FAM171A1: variants seen among roughly 807,000 people sequenced by gnomAD.
FAM171A1 encodes the protein family with sequence similarity 171 member A1.
A neutral mutation model predicts 74.9 loss-of-function variants in FAM171A1; 23 were observed. That is an observed-to-expected ratio of 0.31 (90% CI 0.22 to 0.44). The LOEUF is 0.44. Ranked by LOEUF, FAM171A1 falls within the 20% of genes least tolerant of loss-of-function variation. The pLI is 1.00. For synonymous variants in FAM171A1, 527 were observed against 505.7 expected (o/e 1.04, Z -0.57); for missense variants, 1,162 against 1,159.2 (o/e 1.00, Z -0.03).
chr10:15,214,170 T>C lies in FAM171A1; in HGVS notation c.1418A>G (p.Glu473Gly), dbSNP rs145662406. 1.0e-3 allele frequency: 1,617 copies of C among 1,614,148 alleles called. 1 individual carries two copies. The highest frequency in any genetic ancestry group is 1.1e-3 in the Non-Finnish European group (1,303 of 1,180,022). The change falls in exon 8 of 8, where the codon GAA becomes GGA. Residue 473 changes from glutamate (E) to glycine (G), a missense_variant. By Grantham distance (98) the Glu-to-Gly change is moderately conservative. Transcript: ENST00000378116. ...GCCCGAGGACTCGTAGCCTTCTCTT[T>C]CCATAGATTTTCTTGCCTTTAAGGG... ...VFPLKARKSM[E>G]REGYESSGND...
At chr10:15,258,087 G>T (rs1308897724) in intron 3 of FAM171A1, among the ~76,000 whole-genome samples, 1 of 152,026 alleles carries the variant, frequency 6.6e-6, no homozygotes, top group Admixed American at 6.6e-5. Context: ...CTCAGAGAGA[G>T]TCTTGCTCTG....
At chr10:15,265,578 G>GAAAAA (rs58125400) in intron 3 of FAM171A1, among the ~76,000 whole-genome samples, 1 of 37,708 alleles carries the variant, frequency 2.7e-5, no homozygotes, top group African/African-American at 1.2e-4. Context: ...TGGTGCCTCT[G>GAAAAA]AAAAAAAAAA....
intron 5 of FAM171A1, among the ~76,000 whole-genome samples, chr10:15,230,144 A>G (rs1417694990): frequency 2.6e-5 from 4 of 152,234 alleles, no homozygotes; most frequent in African/African-American, 9.6e-5. Context: ...ATTAAAATCA[A>G]ATAAAAAGCC....
intron 3 of FAM171A1, among the ~76,000 whole-genome samples, chr10:15,258,993 C>T (rs542707534): frequency 6.6e-6 from 1 of 152,304 alleles, no homozygotes; most frequent in African/African-American, 2.4e-5. Flanking sequence ...CCTGGATTTT[C>T]CCTTGCCTTC....
At chr10:15,290,892 AC>A (rs1438938342) in intron 1 of FAM171A1, among the ~76,000 whole-genome samples, 1 of 152,084 alleles carries the variant, frequency 6.6e-6, no homozygotes, top group Non-Finnish European at 1.5e-5. Context: ...CCACCCATGT[AC>A]CGCCGTTTTG....
Position 15,275,911 on chromosome 10 carries a change from C to A in FAM171A1, c.362G>T (p.Arg121Leu). ...TTCATATACCATTAGAGTGGCAGAG[C>A]GTTCTGGAAGCAGGCCAAGGCTCAG... is the stretch of plus-strand genomic sequence containing the variant. ...SSLSLGLLPE[R>L]SATLMVYEDV... Residue 121 changes from arginine to leucine, a missense_variant, in exon 3 of 8, where the codon CGC (arginine) becomes CTC (leucine). By Grantham distance (102) the Arg-to-Leu change is moderately radical. Coordinates refer to ENST00000378116, the MANE Select transcript of FAM171A1 (RefSeq NM_001010924.2). The A allele has an allele frequency of 2.5e-6, 4 of 1,612,610 alleles. No homozygotes were observed. The highest frequency in any genetic ancestry group is 3.4e-6 in the Non-Finnish European group (4 of 1,179,136).
intron 1 of FAM171A1, among the ~76,000 whole-genome samples, chr10:15,350,652 T>C (rs1835867033): frequency 6.6e-6 from 1 of 150,714 alleles, no homozygotes; most frequent in African/African-American, 2.4e-5. Context: ...ATTCTCTCTT[T>C]TTTTTTTTTT....
At chr10:15,260,881 G>C (rs767069981) in intron 3 of FAM171A1, among the ~76,000 whole-genome samples, 24 of 152,128 alleles carry the variant, frequency 1.6e-4, no homozygotes, top group African/African-American at 5.8e-4. Context: ...CTCTGGGGAG[G>C]GGGGGCAAAG....
At chr10:15,270,596 C>CTA (rs1357277345) in intron 3 of FAM171A1, among the ~76,000 whole-genome samples, 1 of 152,168 alleles carries the variant, frequency 6.6e-6, no homozygotes. Flanking sequence ...GGTCCCTGAC[C>CTA]CCCGAGTAGC....
chr10:15,335,535 TG>T (rs1835690531), intron 1 of FAM171A1, among the ~76,000 whole-genome samples: 1 of 152,094 alleles, frequency 6.6e-6, no homozygotes, highest in Non-Finnish European at 1.5e-5. Flanking sequence ...AAACAAAACA[TG>T]GGCCAAGGGA....
chr10:15,285,926 C>T (rs927906899), intron 1 of FAM171A1, among the ~76,000 whole-genome samples: 1 of 152,190 alleles, frequency 6.6e-6, no homozygotes, highest in African/African-American at 2.4e-5. Context: ...TGGCACACAC[C>T]CTGGGGTTCT....
intron 3 of FAM171A1, among the ~76,000 whole-genome samples, chr10:15,270,751 T>C (rs548325596): frequency 6.6e-6 from 1 of 152,318 alleles, no homozygotes; most frequent in South Asian, 2.1e-4. Flanking sequence ...CCGCTGGTGA[T>C]ACCCAGGCAA....
chr10:15,370,628 G>A (rs1266572153), intron 1 of FAM171A1, among the ~76,000 whole-genome samples: 4 of 151,822 alleles, frequency 2.6e-5, no homozygotes, highest in African/African-American at 9.7e-5. Context: ...CCGCGTGTCC[G>A]AGGCGCGGCA....
Position 15,250,433 on chromosome 10 carries a change from C to G in FAM171A1, c.578-1618G>C, listed in dbSNP as rs573040992. On this transcript the variant is annotated intron_variant, in intron 4 of 7. Coordinates refer to ENST00000378116, the MANE Select transcript of FAM171A1 (RefSeq NM_001010924.2). ...GGTCTACAATCTACTGCTCTAGATT[C>G]TGTTAGGCCCTCTCAGGAAGATGGA... is the stretch of plus-strand genomic sequence containing the variant. Among the ~76,000 whole-genome samples the G allele has an allele frequency of 2.0e-5, 3 of 152,342 alleles. No individual in the cohort carries two copies. The South Asian group carries it at 6.2e-4, about 32-fold the overall frequency.
intron 1 of FAM171A1, among the ~76,000 whole-genome samples, chr10:15,308,950 G>A (rs1346422262): frequency 5.3e-5 from 8 of 152,008 alleles, no homozygotes; most frequent in Non-Finnish European, 8.8e-5. Flanking sequence ...ACAGACGTGA[G>A]CCACTGCAGC....
intron 1 of FAM171A1, among the ~76,000 whole-genome samples, chr10:15,355,004 T>C (rs1188989182): frequency 6.6e-6 from 1 of 152,244 alleles, no homozygotes; most frequent in African/African-American, 2.4e-5. Context: ...TTTGAAGAAA[T>C]GAGTCAATAC....
At chr10:15,328,720 C>G (rs1309167847) in intron 1 of FAM171A1, among the ~76,000 whole-genome samples, 1 of 152,106 alleles carries the variant, frequency 6.6e-6, no homozygotes, top group African/African-American at 2.4e-5. Flanking sequence ...AATTGTCTAG[C>G]CTTGGGGATC....
At chr10:15,274,066 A>G (rs1834862176) in intron 3 of FAM171A1, among the ~76,000 whole-genome samples, 2 of 152,216 alleles carry the variant, frequency 1.3e-5, no homozygotes, top group Admixed American at 6.5e-5. Flanking sequence ...AATAAAGGGT[A>G]TTCAATTAGG....
upstream of FAM171A1, among the ~76,000 whole-genome samples, chr10:15,372,341 CA>C (rs1455548953): frequency 2.0e-5 from 3 of 152,106 alleles, no homozygotes; most frequent in African/African-American, 7.2e-5. Context: ...TGGTCAGTGG[CA>C]GAGCCAAAAT....
Sources: gnomAD v4.1 joint callset for allele counts (sites outside exome capture counted in the v4.1 genomes callset) on GRCh38, gnomAD v4.1.1 for gene constraint, MANE v1.5 for transcripts, NCBI Gene and HGNC (gene_info 2026-07-23, HGNC 2026-07-21) for gene names.